ME3: variants seen among roughly 807,000 people sequenced by gnomAD.
The protein encoded by ME3 is NADP-dependent malic enzyme, mitochondrial.
In ME3, 48 loss-of-function variants were observed where a neutral mutation model predicts 68.9. The observed-to-expected ratio is 0.70, with a 90% confidence interval of 0.55 to 0.89. The LOEUF (loss-of-function observed/expected upper bound fraction) is 0.89, where lower values mean the gene tolerates loss of function less well. Among genes scored for constraint, ME3 ranks in the 40% least tolerant of loss-of-function variants. The probability of loss-of-function intolerance (pLI) is 0.00; values close to 1 mark genes in which losing one functional copy is unlikely to be tolerated. For missense variants in ME3, 675 were observed against 797.4 expected (o/e 0.85, Z 1.85); for synonymous variants, 320 against 318.8 (o/e 1.00, Z -0.04).
At chr11:86,548,113 C>A (rs1029653894) in intron 4 of ME3, among the ~76,000 whole-genome samples, 2 of 152,194 alleles carry the variant, frequency 1.3e-5, no homozygotes, top group South Asian at 4.1e-4. Flanking sequence ...TCCGTCCTTT[C>A]CCCAGAGCAA....
chr11:86,609,277 T>C (rs1942386979), intron 2 of ME3, among the ~76,000 whole-genome samples: 1 of 152,178 alleles, frequency 6.6e-6, no homozygotes, highest in African/African-American at 2.4e-5. Context: ...GTGTGGTTGA[T>C]TGACAGTGTA....
chr11:86,619,483 A>G (rs1270886494), intron 2 of ME3, among the ~76,000 whole-genome samples: 1 of 152,204 alleles, frequency 6.6e-6, no homozygotes, highest in Non-Finnish European at 1.5e-5. Context: ...AGCTCCCATA[A>G]TTCCCACATG....
intron 2 of ME3, among the ~76,000 whole-genome samples, chr11:86,565,496 G>T (rs1418206012): frequency 6.6e-6 from 1 of 152,164 alleles, no homozygotes; most frequent in Non-Finnish European, 1.5e-5. Context: ...ATCAACATAT[G>T]AATGGATGAA....
At chr11:86,442,525 G>A (rs550720591) in intron 14 of ME3, among the ~76,000 whole-genome samples, 83 of 152,240 alleles carry the variant, frequency 5.5e-4, no homozygotes, top group African/African-American at 1.4e-3. Flanking sequence ...ATAAATGGGC[G>A]CTTATGAGTC....
intron 4 of ME3, among the ~76,000 whole-genome samples, chr11:86,535,464 A>T (rs1955588357): frequency 1.3e-5 from 2 of 152,194 alleles, no homozygotes; most frequent in South Asian, 4.1e-4. Flanking sequence ...AGTGTAGGAC[A>T]TAATCTCATT....
intron 4 of ME3, among the ~76,000 whole-genome samples, chr11:86,554,206 T>A (rs1956822728): frequency 6.6e-6 from 1 of 152,212 alleles, no homozygotes. Flanking sequence ...CTGAAGCCAC[T>A]ACAATCTAGT....
intron 2 of ME3, among the ~76,000 whole-genome samples, chr11:86,618,399 T>G (rs1051746934): frequency 4.6e-5 from 7 of 150,842 alleles, no homozygotes; most frequent in Non-Finnish European, 5.9e-5. Context: ...TGTGGTAATA[T>G]TCACATCAAA....
At chr11:86,598,747 A>G (rs941558942) in intron 2 of ME3, among the ~76,000 whole-genome samples, 1 of 152,208 alleles carries the variant, frequency 6.6e-6, no homozygotes, top group African/African-American at 2.4e-5. Context: ...CTCCTCTGAG[A>G]CAAAACTTCC....
chr11:86,608,114 A>G (rs922883166), intron 2 of ME3, among the ~76,000 whole-genome samples: 2 of 152,230 alleles, frequency 1.3e-5, no homozygotes, highest in African/African-American at 4.8e-5. Flanking sequence ...AAACCAAAAA[A>G]CAAAGCCAGA....
At chr11:86,546,766 C>T (rs763753374) in intron 4 of ME3, among the ~76,000 whole-genome samples, 9 of 152,092 alleles carry the variant, frequency 5.9e-5, no homozygotes, top group Non-Finnish European at 1.0e-4. Context: ...GGCGATTCCT[C>T]GAAGATGTAG....
At chr11:86,541,018 A>G (rs569383753) in intron 4 of ME3, among the ~76,000 whole-genome samples, 1 of 152,290 alleles carries the variant, frequency 6.6e-6, no homozygotes, top group African/African-American at 2.4e-5. Flanking sequence ...GCATCACCTC[A>G]CCCAAAAAGT....
At chr11:86,498,194 C>T in intron 5 of ME3, 70 bp from the exon 6 acceptor site, 4 of 1,517,468 alleles carry the variant, frequency 2.6e-6, no homozygotes, top group Non-Finnish European at 3.5e-6. Flanking sequence ...TTTAGCAGCC[C>T]CAGCCCATCA....
chr11:86,508,871 A>C lies in ME3; in HGVS notation c.468-4T>G, dbSNP rs1187526013. 1 of 1,610,518 alleles carries C rather than the reference A, an allele frequency of 6.2e-7. No homozygotes were observed. Among genetic ancestry groups the C allele is most frequent in the Non-Finnish European group, 8.5e-7 (1 of 1,176,966 alleles). On this transcript the variant is annotated splice_region_variant and splice_polypyrimidine_tract_variant and intron_variant, in intron 4 of 14. Transcript: ENST00000543262. ...ATGAATGGTGATGAACAGTCCACTA[A>C]AAGAAATAAAACACGTACACACAGA...
At chr11:86,619,617 G>A (rs573370117) in intron 2 of ME3, among the ~76,000 whole-genome samples, 9 of 152,274 alleles carry the variant, frequency 5.9e-5, no homozygotes, top group African/African-American at 2.2e-4. Context: ...CCTTTTGCTT[G>A]GTTCTCATTC....
At chr11:86,555,151 T>G (rs915637737) in intron 4 of ME3, among the ~76,000 whole-genome samples, 12 of 152,130 alleles carry the variant, frequency 7.9e-5, no homozygotes, top group Admixed American at 2.0e-4. Context: ...ATCAGTGTAC[T>G]TGGGCATGGA....
At chr11:86,657,688 A>T (rs1194166758) in intron 2 of ME3, among the ~76,000 whole-genome samples, 1 of 152,214 alleles carries the variant, frequency 6.6e-6, no homozygotes, top group Non-Finnish European at 1.5e-5. Flanking sequence ...CTTGTGACCA[A>T]ACTAGAAGAA....
intron 6 of ME3, among the ~76,000 whole-genome samples, chr11:86,496,863 CTTTTA>C (rs71040241): frequency 0.32 from 48,393 of 151,492 alleles, 7,819 homozygotes; most frequent in East Asian, 0.34. Flanking sequence ...AAGAACACCA[CTTTTA>C]TTTTATAAGT....
At chr11:86,457,610 G>C (rs1950009405) in intron 8 of ME3, 1 of 1,236,426 alleles carries the variant, frequency 8.1e-7, no homozygotes. Context: ...GGGTGCTCTT[G>C]GGCTATGCAC....
At chr11:86,513,778 A>G (rs1953700913) in intron 4 of ME3, among the ~76,000 whole-genome samples, 1 of 152,190 alleles carries the variant, frequency 6.6e-6, no homozygotes, top group South Asian at 2.1e-4. Context: ...TACTGCATCT[A>G]AAGCAGCTCA....
Sources: gnomAD v4.1 joint callset for allele counts (sites outside exome capture counted in the v4.1 genomes callset) on GRCh38, gnomAD v4.1.1 for gene constraint, MANE v1.5 for transcripts, NCBI Gene and HGNC (gene_info 2026-07-23, HGNC 2026-07-21) for gene names.